C11orf65: variants seen among roughly 807,000 people sequenced by gnomAD.
C11orf65 encodes the protein protein MFI.
In C11orf65, 38 loss-of-function variants were observed where a neutral mutation model predicts 35.3. That is an observed-to-expected ratio of 1.08 (90% CI 0.83 to 1.41). C11orf65 has a LOEUF of 1.41. Among genes scored for constraint, C11orf65 ranks in the 40% most tolerant of loss-of-function variants. C11orf65 has a pLI of 0.00. For missense variants in C11orf65, 370 were observed against 367.1 expected, an observed-to-expected ratio of 1.01 and a Z score of -0.06; for synonymous variants, 105 against 114.4, an observed-to-expected ratio of 0.92 and a Z score of 0.53.
At chr11:108,465,969 G>A (rs1226605474) in intron 1 of C11orf65, among the ~76,000 whole-genome samples, 2 of 142,588 alleles carry the variant, frequency 1.4e-5, no homozygotes, top group Admixed American at 1.4e-4. Flanking sequence ...GGCAACAAGA[G>A]TGAAACTCGG....
intron 2 of C11orf65, among the ~76,000 whole-genome samples, chr11:108,377,349 C>G (rs1362419045): frequency 1.3e-5 from 2 of 152,244 alleles, no homozygotes; most frequent in African/African-American, 4.8e-5. Context: ...TAAATGTAAT[C>G]CAGCATATAA....
chr11:108,362,717 C>T (rs1470673557), intron 2 of C11orf65, among the ~76,000 whole-genome samples: 6 of 144,332 alleles, frequency 4.2e-5, no homozygotes, highest in Non-Finnish European at 7.6e-5. Flanking sequence ...CCAAACACCG[C>T]ATATTCTCAC....
Position 108,333,942 on chromosome 11 carries a change from G to A in C11orf65, c.299+1278C>T, listed in dbSNP as rs1315805984. 3 of 1,611,132 alleles carry A rather than the reference G, an allele frequency of 1.9e-6. No individual in the cohort carries two copies. In the African/African-American group the frequency reaches 4.0e-5, roughly 22 times the overall value. On this transcript the variant is annotated intron_variant, in intron 3 of 3. Coordinates refer to the C11orf65 transcript ENST00000524755. Reference sequence around the variant, plus strand: ...TACTAAACTTAAGAATTTAGAAGATGTTGTTGTCCCTACTATGGAAATTAA... The same window carrying A: ...TACTAAACTTAAGAATTTAGAAGATATTGTTGTCCCTACTATGGAAATTAA...
rs769601511 is a variant in C11orf65, at chr11:108,406,833, A to G, written c.359T>C (p.Leu120Pro). ...CCAGCCACTATGATCCTCTTCCTGAAGATGATCATTTTTATTATGAGATGT... is the reference window on the plus strand; with the variant it reads ...CCAGCCACTATGATCCTCTTCCTGAGGATGATCATTTTTATTATGAGATGT... The part of the protein sequence containing the change: ...KHTSHNKNDH[L>P]QEEDHSGWYH... Residue 120 changes from leucine to proline, a missense_variant, in exon 5 of 9, where the codon CTT becomes CCT. By Grantham distance (98) the Leu-to-Pro change is moderately conservative. Transcript: ENST00000393084. 7.7e-5 allele frequency: 125 copies of G among 1,613,266 alleles called. No individual in the cohort carries two copies. The highest frequency in any genetic ancestry group is 1.0e-4 in the Non-Finnish European group (119 of 1,179,604).
At chr11:108,450,603 A>G (rs929471157) in intron 2 of C11orf65, among the ~76,000 whole-genome samples, 1 of 116,790 alleles carries the variant, frequency 8.6e-6, no homozygotes, top group African/African-American at 3.4e-5. Flanking sequence ...GAAGGGGAAC[A>G]TCACACTCCA....
downstream of C11orf65, chr11:108,331,229 C>T: frequency 8.0e-7 from 1 of 1,254,912 alleles, no homozygotes; most frequent in Non-Finnish European, 1.0e-6. Flanking sequence ...TAATTTAGGA[C>T]CAAATATTTT....
At chr11:108,457,039 A>G (rs758854983) in intron 2 of C11orf65, among the ~76,000 whole-genome samples, 1 of 152,168 alleles carries the variant, frequency 6.6e-6, no homozygotes, top group Non-Finnish European at 1.5e-5. Flanking sequence ...GGAGAGGTAA[A>G]GAAAAGGGTA....
intron 8 of C11orf65, among the ~76,000 whole-genome samples, chr11:108,384,039 T>A (rs2091929907): frequency 6.6e-6 from 1 of 152,110 alleles, no homozygotes; most frequent in Non-Finnish European, 1.5e-5. Flanking sequence ...ACATTTTATT[T>A]TTTGTAGAGT....
chr11:108,466,899 C>G (rs1349557925), intron 1 of C11orf65, among the ~76,000 whole-genome samples: 1 of 152,152 alleles, frequency 6.6e-6, no homozygotes, highest in Non-Finnish European at 1.5e-5. Context: ...ATTGAATAAA[C>G]AAATGATTCG....
chr11:108,336,844 T>C (rs2136729869), intron 2 of C11orf65, among the ~76,000 whole-genome samples: 1 of 152,350 alleles, frequency 6.6e-6, no homozygotes, highest in Non-Finnish European at 1.5e-5. Context: ...TTGACTCTTA[T>C]ATTAATTATT....
At chr11:108,446,282 C>T (rs1225204285) in intron 2 of C11orf65, among the ~76,000 whole-genome samples, 17 of 151,284 alleles carry the variant, frequency 1.1e-4, no homozygotes, top group African/African-American at 2.9e-4. Flanking sequence ...ATACAGAGAA[C>T]ACCACAAAGA....
chr11:108,469,054 C>G (rs558302969), upstream of C11orf65, among the ~76,000 whole-genome samples: 13 of 151,726 alleles, frequency 8.6e-5, no homozygotes, highest in Non-Finnish European at 1.6e-4. Context: ...CTGTGTTAGC[C>G]AGGATGGTCT....
chr11:108,318,142 G>A (rs1489697965), intron 6 of C11orf65, among the ~76,000 whole-genome samples: 2 of 151,878 alleles, frequency 1.3e-5, no homozygotes, highest in African/African-American at 2.4e-5. Flanking sequence ...CGGGTGGATC[G>A]CCTGAGCTCA....
Position 108,421,450 on chromosome 11 carries a change from G to T in C11orf65, c.174+10296C>A, listed in dbSNP as rs535981085. On this transcript the variant is annotated intron_variant, in intron 3 of 8. Transcript: ENST00000393084. ...GCGAGCGGATCACTTGAGGTCAGGA[G>T]TTCGAGACCAGCCTGACCAACATGG... Among the ~76,000 whole-genome samples the T allele has an allele frequency of 2.5e-3, 383 of 152,280 alleles. 1 individual carries two copies. The highest frequency in any genetic ancestry group is 6.8e-3 in the Middle Eastern group (2 of 294).
chr11:108,428,122 C>G (rs564890321), intron 3 of C11orf65, among the ~76,000 whole-genome samples: 21 of 151,406 alleles, frequency 1.4e-4, no homozygotes, highest in African/African-American at 5.1e-4. Flanking sequence ...AGCCACCGCG[C>G]CCACCCAGAA....
At chr11:108,383,213 TATA>T (rs765421591) in intron 8 of C11orf65, 38 bp from the exon 9 acceptor site, 4 of 1,463,026 alleles carry the variant, frequency 2.7e-6, no homozygotes, top group South Asian at 1.3e-5. Flanking sequence ...AGATACCAGA[TATA>T]ATAAGATGCT....
chr11:108,420,201 T>C (rs558184914), intron 3 of C11orf65, among the ~76,000 whole-genome samples: 7 of 152,348 alleles, frequency 4.6e-5, no homozygotes, highest in Middle Eastern at 3.4e-3. Context: ...GACCTCTCTA[T>C]AGAAAACTAT....
At chr11:108,442,424 T>A (rs1015315651) in intron 2 of C11orf65, among the ~76,000 whole-genome samples, 1 of 152,108 alleles carries the variant, frequency 6.6e-6, no homozygotes, top group Non-Finnish European at 1.5e-5. Flanking sequence ...CAGGAGAACT[T>A]CCCCAACCTA....
chr11:108,402,849 G>C (rs115761793), intron 6 of C11orf65, among the ~76,000 whole-genome samples: 1,741 of 151,936 alleles, frequency 0.011, 36 homozygotes, highest in African/African-American at 0.04. Flanking sequence ...ATTCTTTTTT[G>C]ATAGATTTAT....
Sources: gnomAD v4.1 joint callset for allele counts (sites outside exome capture counted in the v4.1 genomes callset) on GRCh38, gnomAD v4.1.1 for gene constraint, MANE v1.5 for transcripts, NCBI Gene and HGNC (gene_info 2026-07-23, HGNC 2026-07-21) for gene names.